The following CGB7 variants were observed in gnomAD, a reference collection of about 807,000 sequenced individuals.
CGB7 encodes the protein choriogonadotropin subunit beta 7.
In CGB7, 6 loss-of-function variants were observed where a neutral mutation model predicts 7.3. That is an observed-to-expected ratio of 0.82 (90% CI 0.45 to 1.62). The LOEUF (loss-of-function observed/expected upper bound fraction) is 1.62. Among genes scored for constraint, CGB7 ranks in the 40% most tolerant of loss-of-function variants. The pLI is 0.01. For missense variants in CGB7, 114 were observed against 236.2 expected, an observed-to-expected ratio of 0.48 and a Z score of 3.39; for synonymous variants, 47 against 100.8, an observed-to-expected ratio of 0.47 and a Z score of 3.20.
At chr19:49,056,863 A>C (rs2040071955) in intron 2 of CGB7, among the ~76,000 whole-genome samples, 1 of 152,152 alleles carries the variant, frequency 6.6e-6, no homozygotes, top group Non-Finnish European at 1.5e-5. Flanking sequence ...GTACCGAAGG[A>C]GGCCCTGCCC....
In CGB7 at chr19:49,055,546, G is replaced by T; in HGVS notation, c.-171C>A. 6.4e-7 allele frequency: 1 copy of T among 1,555,906 alleles called. No individual in the cohort carries two copies. Among genetic ancestry groups the T allele is most frequent in the Non-Finnish European group, 8.7e-7 (1 of 1,150,544 alleles). On this transcript the variant is annotated 5_prime_UTR_variant, in exon 3 of 5. It adds an upstream start codon to the 5' untranslated region. Transcript: ENST00000684222. ...AGGAGTGGCTCAGCGGAGCACCCCAGTCCTCTCCCCTCAGTGGTCTAGCGC... is the reference window on the plus strand; with the variant it reads ...AGGAGTGGCTCAGCGGAGCACCCCATTCCTCTCCCCTCAGTGGTCTAGCGC...
At chr19:49,056,932 G>GA (rs1268541239) in intron 2 of CGB7, among the ~76,000 whole-genome samples, 189 bp downstream of exon 2, 3 of 152,202 alleles carry the variant, frequency 2.0e-5, no homozygotes, top group Admixed American at 6.5e-5. Flanking sequence ...CGCGGTTCCT[G>GA]GAGGTGACAC....
chr19:49,054,991 C>A lies in CGB7; in HGVS notation c.33G>T (p.Leu11=). Residue 11 remains leucine, a synonymous_variant, in exon 4 of 5, where the codon CTG becomes CTT. Coordinates refer to ENST00000684222, the MANE Select transcript of CGB7 (RefSeq NM_001385261.1). ...CCCATGTCCCGCCCATGCTCAGCAG[C>A]AGCAACAGCAGCAGCCCCTGGGACA... MEMFQGLLLL[L]LLSMGGTWAS... is the part of the protein sequence containing the mutation. 3.1e-6 allele frequency: 5 copies of A among 1,602,220 alleles called. No individual in the cohort carries two copies. The highest frequency in any genetic ancestry group is 4.2e-6 in the Non-Finnish European group (5 of 1,179,350).
Position 49,056,606 on chromosome 19 carries a change from A to C in CGB7, c.-1220-11T>G. On this transcript the variant is annotated splice_polypyrimidine_tract_variant and intron_variant, in intron 2 of 4. Coordinates refer to ENST00000684222, the MANE Select transcript of CGB7 (RefSeq NM_001385261.1). The stretch of plus-strand genomic sequence containing the variant: ...CCGGACGGCTCCGTCCTGTGGGAGC[A>C]GGGCGGGATGGTGAGGATACAGCTG... 1.6e-6 allele frequency: 2 copies of C among 1,270,596 alleles called. No homozygotes were observed. Among genetic ancestry groups the C allele is most frequent in the South Asian group, 1.3e-5 (1 of 79,036 alleles). 78.7% of individuals were successfully genotyped at this position (1,270,596 alleles called of 1,614,324 possible). A position where few individuals can be genotyped will look rare whatever the true frequency, so the allele number is the denominator to read the frequency against.
chr19:49,057,027 C>A (rs1002492591), intron 2 of CGB7, 94 bp downstream of exon 2: 1 of 1,329,068 alleles, frequency 7.5e-7, no homozygotes, highest in East Asian at 2.5e-5. Flanking sequence ...CTGAGACCAC[C>A]GGTCAGGGAA....
At position 49,056,460 on chromosome 19, in the gene CGB7, G is replaced by T; in HGVS notation, c.-1085C>A. On this transcript the variant is annotated 5_prime_UTR_variant, in exon 3 of 5. Transcript: ENST00000684222. ...GTTTCCTGAGCCGGAGACATGGCCC[G>T]CCGTGCGGCGCTCGAGGCGGCCTGG... The T allele has an allele frequency of 7.7e-7, 1 of 1,299,742 alleles. No individual in the cohort carries two copies. The highest frequency in any genetic ancestry group is 1.0e-6 in the Non-Finnish European group (1 of 995,482). 80.5% of individuals were successfully genotyped at this position (1,299,742 alleles called of 1,614,324 possible). A position where few individuals can be genotyped will look rare whatever the true frequency, so the allele number is the denominator to read the frequency against.
rs755534456 is a variant in CGB7 at position 49,055,341 on chromosome 19, C to G, written c.15+20G>C. On this transcript the variant is annotated intron_variant, in intron 3 of 4. Coordinates refer to ENST00000684222, the MANE Select transcript of CGB7 (RefSeq NM_001385261.1). ...GGCCTGGAAGGAGGTGGAAGGTGCC[C>G]AGGGGCCCTGCAGTCTTACCTGGAA... 256 of 1,612,624 alleles carry G rather than the reference C, an allele frequency of 1.6e-4. 2 individuals carry two copies. The highest frequency in any genetic ancestry group is 2.2e-4 in the Admixed American group (13 of 59,982).
At chr19:49,056,871 C>T (rs529399311) in intron 2 of CGB7, among the ~76,000 whole-genome samples, 26 of 152,310 alleles carry the variant, frequency 1.7e-4, no homozygotes, top group African/African-American at 6.0e-4. Context: ...GGAGGCCCTG[C>T]CCTCAGATCC....
At position 49,057,121 on chromosome 19, in the gene CGB7, T is replaced by C. The variant is rs1422173871; in HGVS notation, c.-1221A>G. On this transcript the variant is annotated splice_region_variant and 5_prime_UTR_variant, in exon 2 of 5. Transcript: ENST00000684222. ...GGTGCCGAGCGAGAGCCCGGCTTAC[T>C]TGGGATAGAACCGAAAGTCCCGCGC... 5.9e-6 allele frequency: 9 copies of C among 1,533,640 alleles called. No homozygotes were observed. The highest frequency in any genetic ancestry group is 3.9e-5 in the Admixed American group (2 of 50,924).
At chr19:49,057,282 A>C in intron 1 of CGB7, 34 bp from the exon 2 acceptor site, 1 of 1,519,612 alleles carries the variant, frequency 6.6e-7, no homozygotes, top group South Asian at 1.2e-5. Context: ...CATACCCAAG[A>C]CATAGATTTC....
Position 49,055,542 on chromosome 19 carries a change from C to G in CGB7, c.-167G>C. 6.4e-7 allele frequency: 1 copy of G among 1,559,104 alleles called. No homozygotes were observed. The highest frequency in any genetic ancestry group is 8.7e-7 in the Non-Finnish European group (1 of 1,151,898). ...GCACAGGAGTGGCTCAGCGGAGCACCCCAGTCCTCTCCCCTCAGTGGTCTA... is the reference window on the plus strand; with the variant it reads ...GCACAGGAGTGGCTCAGCGGAGCACGCCAGTCCTCTCCCCTCAGTGGTCTA... On this transcript the variant is annotated 5_prime_UTR_variant, in exon 3 of 5. Coordinates refer to ENST00000684222, the MANE Select transcript of CGB7 (RefSeq NM_001385261.1).
intron 2 of CGB7, 35 bp from the exon 3 acceptor site, chr19:49,056,630 T>A: frequency 8.2e-7 from 1 of 1,225,246 alleles, no homozygotes. Context: ...AGGATACAGC[T>A]GGATCCTTGG....
chr19:49,056,787 C>A (rs1488394874), intron 2 of CGB7, among the ~76,000 whole-genome samples, 192 bp from the exon 3 acceptor site: 1 of 152,196 alleles, frequency 6.6e-6, no homozygotes, highest in Non-Finnish European at 1.5e-5. Context: ...GGAAGCTGAG[C>A]TTTCGCATCC....
In CGB7 at chr19:49,057,555, C is replaced by T. The variant is rs979273924; in HGVS notation, c.-1442G>A. The T allele has an allele frequency of 4.3e-5, 51 of 1,195,398 alleles. No individual in the cohort carries two copies. The African/African-American group carries it at 7.4e-4, about 17-fold the overall frequency. 74.0% of individuals were successfully genotyped at this position (1,195,398 alleles called of 1,614,324 possible). ...CCCTGGTTCTGCCCCCGGTCTCAAGCCTTCTTGGTGTGGCCACTGGAGCTG... is the reference window on the plus strand; with the variant it reads ...CCCTGGTTCTGCCCCCGGTCTCAAGTCTTCTTGGTGTGGCCACTGGAGCTG... On this transcript the variant is annotated 5_prime_UTR_variant, in exon 1 of 5. Coordinates refer to ENST00000684222, the MANE Select transcript of CGB7 (RefSeq NM_001385261.1).
Position 49,055,571 on chromosome 19 carries a change from C to A in CGB7, c.-196G>T. The A allele has an allele frequency of 6.6e-7, 1 of 1,514,588 alleles. No homozygotes were observed. The highest frequency in any genetic ancestry group is 8.8e-7 in the Non-Finnish European group (1 of 1,132,152). 93.8% of individuals were successfully genotyped at this position (1,514,588 alleles called of 1,614,324 possible). Reference sequence around the variant, plus strand: ...GTCCTCTCCCCTCAGTGGTCTAGCGCCAAGGATGAGGCGGAGACCACGGTG... The same window carrying A: ...GTCCTCTCCCCTCAGTGGTCTAGCGACAAGGATGAGGCGGAGACCACGGTG... On this transcript the variant is annotated 5_prime_UTR_variant, in exon 3 of 5. Transcript: ENST00000684222.
Position 49,057,731 on chromosome 19 carries a change from CT to C in CGB7, c.-1619del. On this transcript the variant is annotated 5_prime_UTR_variant, in exon 1 of 5. Coordinates refer to ENST00000684222, the MANE Select transcript of CGB7 (RefSeq NM_001385261.1). ...GAAGGCGAGTTTCCAGCCCCTGGTCCTTCTGGCCTGGCGTGGATGCCCAGCC... is the reference window on the plus strand; with the variant it reads ...GAAGGCGAGTTTCCAGCCCCTGGTCCTCTGGCCTGGCGTGGATGCCCAGCC... 1 of 1,321,828 alleles carries C rather than the reference CT, an allele frequency of 7.6e-7. No individual in the cohort carries two copies. 81.9% of individuals were successfully genotyped at this position (1,321,828 alleles called of 1,614,324 possible).
At position 49,056,255 on chromosome 19, in the gene CGB7, C is replaced by A. The variant is rs906531378; in HGVS notation, c.-880G>T. 4.7e-6 allele frequency: 6 copies of A among 1,290,060 alleles called. No homozygotes were observed. In the African/African-American group the frequency reaches 7.6e-5, roughly 16 times the overall value. The allele number at this position is 1,290,060 out of a possible 1,614,324, so 79.9% of individuals were successfully genotyped here. ...GCCAGGGGGCGTGTCTGGGGTGGGG[C>A]TGGCCCGGCAGGCTCCCACTAGCCC... On this transcript the variant is annotated 5_prime_UTR_variant, in exon 3 of 5. Transcript: ENST00000684222.
Position 49,054,957 on chromosome 19 carries a change from C to T in CGB7, c.67G>A (p.Glu23Lys), listed in dbSNP as rs1482902496. The part of the protein sequence containing the change: ...LSMGGTWASR[E>K]MLRPRCRPIN... The stretch of plus-strand genomic sequence containing the variant: ...GGGCGGCACCGTGGCCGAAGCATCT[C>T]CCTGGATGCCCATGTCCCGCCCATG... The change falls in exon 4 of 5, where the codon GAG becomes AAG. Residue 23 changes from glutamate to lysine, a missense_variant. This residue lies in a region of CGB7 where 58 missense variants were observed against 91.7 expected (regional missense o/e 0.63). Transcript: ENST00000684222. 5 of 1,556,106 alleles carry T rather than the reference C, an allele frequency of 3.2e-6. 2 individuals carry two copies. The highest frequency in any genetic ancestry group is 4.4e-6 in the Non-Finnish European group (5 of 1,142,678).
chr19:49,057,453 C>T lies in CGB7; in HGVS notation c.-1349+9G>A. On this transcript the variant is annotated intron_variant, in intron 1 of 4. Transcript: ENST00000684222. ...TCCTTTCTCATACCCGAACCCTTCCCAGCCTCACCTCCCTAAATCCAAGCC... is the reference window on the plus strand; with the variant it reads ...TCCTTTCTCATACCCGAACCCTTCCTAGCCTCACCTCCCTAAATCCAAGCC... The T allele has an allele frequency of 5.3e-6, 7 of 1,328,336 alleles. No homozygotes were observed. The highest frequency in any genetic ancestry group is 6.8e-6 in the Non-Finnish European group (7 of 1,034,340). The allele number at this position is 1,328,336 out of a possible 1,614,324, so 82.3% of individuals were successfully genotyped here.
Sources: allele counts gnomAD v4.1 joint callset (sites outside exome capture counted in the v4.1 genomes callset), GRCh38; gene constraint gnomAD v4.1.1; regional missense constraint gnomAD v4.1.1; transcripts MANE v1.5; gene names NCBI Gene and HGNC (gene_info 2026-07-23, HGNC 2026-07-21).